Variants in ETV7 observed in about 807,000 individuals in gnomAD.
ETV7 encodes ETS variant transcription factor 7.
ETV7 carries 43 observed loss-of-function variants against 39.1 expected under a neutral mutation model. That is an observed-to-expected ratio of 1.10 (90% confidence interval 0.86 to 1.42). The LOEUF (loss-of-function observed/expected upper bound fraction) is 1.42, where lower values mean the gene tolerates loss of function less well. Ranked by LOEUF, ETV7 falls within the 40% of genes most tolerant of loss-of-function variation. The probability of loss-of-function intolerance (pLI) is 0.00; values close to 1 mark genes in which losing one functional copy is unlikely to be tolerated. For synonymous variants in ETV7, 196 were observed against 176.6 expected, an observed-to-expected ratio of 1.11 and a Z score of -0.87; for missense variants, 432 against 442.3, an observed-to-expected ratio of 0.98 and a Z score of 0.21.
intron 1 of ETV7, among the ~76,000 whole-genome samples, chr6:36,386,164 C>T (rs1322984090): frequency 6.6e-6 from 1 of 152,070 alleles, no homozygotes; most frequent in East Asian, 1.9e-4. Flanking sequence ...ATTATCTCTA[C>T]GAAAAATACA....
chr6:36,370,399 G>T (rs1468171911), intron 5 of ETV7, among the ~76,000 whole-genome samples: 1 of 152,000 alleles, frequency 6.6e-6, no homozygotes, highest in Non-Finnish European at 1.5e-5. Context: ...GCCAGGTGTG[G>T]TGGTGGGCGC....
intron 5 of ETV7, 123 bp from the exon 6 acceptor site, chr6:36,369,194 AATG>A (rs1340228853): frequency 1.0e-5 from 11 of 1,078,440 alleles, no homozygotes; most frequent in Non-Finnish European, 1.2e-5. Flanking sequence ...GGAAGGTGAA[AATG>A]ATGATATCAA....
rs755188639 is a variant in ETV7 at position 36,366,860 on chromosome 6, C to A, written c.908+15G>T. 1.2e-6 allele frequency: 2 copies of A among 1,613,724 alleles called. No individual in the cohort carries two copies. The highest frequency in any genetic ancestry group is 2.2e-5 in the South Asian group (2 of 91,078). ...GTTCTGCTTCCCCTTTCACCACATCCCCTAGGCCACTCACCTGAACAGGAG... is the reference window on the plus strand; with the variant it reads ...GTTCTGCTTCCCCTTTCACCACATCACCTAGGCCACTCACCTGAACAGGAG... On this transcript the variant is annotated intron_variant, in intron 7 of 7. Coordinates refer to ENST00000340181, the MANE Select transcript of ETV7 (RefSeq NM_016135.4).
downstream of ETV7, among the ~76,000 whole-genome samples, chr6:36,362,159 G>A (rs1043456145): frequency 2.0e-5 from 3 of 152,204 alleles, no homozygotes; most frequent in East Asian, 1.9e-4. Context: ...TTAGCCAGGC[G>A]CGGTGGCGGG....
chr6:36,363,236 T>C (rs1772573806), downstream of ETV7, among the ~76,000 whole-genome samples: 1 of 152,150 alleles, frequency 6.6e-6, no homozygotes, highest in Non-Finnish European at 1.5e-5. Context: ...CATCTGGAGT[T>C]TGTTCTTTCT....
In ETV7 at chr6:36,371,530, C is replaced by G. The variant is rs151011956; in HGVS notation, c.464G>C (p.Arg155Pro). 3.1e-5 allele frequency: 49 copies of G among 1,601,572 alleles called. No homozygotes were observed. Among genetic ancestry groups the G allele is most frequent in the Non-Finnish European group, 4.0e-5 (47 of 1,175,226 alleles). Residue 155 changes from arginine to proline, a missense_variant, in exon 5 of 8, where the codon CGA (arginine) becomes CCA (proline). Physicochemically the swap from Arg to Pro is moderately radical, Grantham distance 103. Coordinates refer to ENST00000340181, the MANE Select transcript of ETV7 (RefSeq NM_016135.4). ...TGGTGGCTGCAGCAGGTGGCCCCTT[C>G]GGGTGTCCATCTGAGAGGGGCCAGT... Reference protein sequence around the residue: ...EVTGPSQMDTRRGHLLQPPDP... With the variant: ...EVTGPSQMDTPRGHLLQPPDP...
intron 1 of ETV7, chr6:36,387,015 A>T (rs545790658): frequency 2.0e-4 from 35 of 174,318 alleles, no homozygotes; most frequent in South Asian, 5.5e-4. Flanking sequence ...CCTGGGTTTC[A>T]GCATGGAGGC....
At chr6:36,380,156 G>C (rs766049205) in intron 2 of ETV7, among the ~76,000 whole-genome samples, 1 of 152,146 alleles carries the variant, frequency 6.6e-6, no homozygotes, top group Non-Finnish European at 1.5e-5. Flanking sequence ...GTGGCACAGG[G>C]TCCAACACCT....
At chr6:36,354,698 A>C (rs745359191) in intron 7 of ETV7, 2 of 696,362 alleles carry the variant, frequency 2.9e-6, no homozygotes, top group Non-Finnish European at 5.2e-6. Context: ...CTGCAATAAA[A>C]AAAAAAAGCA....
chr6:36,386,341 A>T (rs745353384), intron 1 of ETV7, among the ~76,000 whole-genome samples: 2 of 152,158 alleles, frequency 1.3e-5, no homozygotes. Flanking sequence ...ACAAACAAAC[A>T]CTATTTTCAA....
chr6:36,385,418 G>T, intron 2 of ETV7, 116 bp downstream of exon 2: 1 of 1,276,748 alleles, frequency 7.8e-7, no homozygotes, highest in Non-Finnish European at 1.1e-6. Flanking sequence ...GGTGCAGTGA[G>T]CTATGATTAC....
At chr6:36,364,931 G>A (rs1026446543), downstream of ETV7, among the ~76,000 whole-genome samples, 6 of 152,224 alleles carry the variant, frequency 3.9e-5, no homozygotes, top group East Asian at 1.9e-4. Context: ...CCCCCCTGCC[G>A]GTGAGTACCA....
chr6:36,362,697 G>A (rs1296949526), downstream of ETV7, among the ~76,000 whole-genome samples: 1 of 152,220 alleles, frequency 6.6e-6, no homozygotes, highest in Non-Finnish European at 1.5e-5. Context: ...ATGGAGAAAA[G>A]GTGGCATGGC....
intron 2 of ETV7, among the ~76,000 whole-genome samples, chr6:36,381,741 G>A (rs1317021204): frequency 6.6e-6 from 1 of 152,300 alleles, no homozygotes; most frequent in Non-Finnish European, 1.5e-5. Context: ...GGCAGGGCCA[G>A]TGCATACAGT....
chr6:36,373,622 G>T, intron 3 of ETV7, 44 bp from the exon 4 acceptor site: 2 of 1,504,028 alleles, frequency 1.3e-6, no homozygotes, highest in Non-Finnish European at 1.8e-6. Context: ...AACAGGCCAC[G>T]TGGGGAGGGC....
exon 8 of ETV7, chr6:36,354,549 TG>T (rs1346079303): frequency 1.6e-6 from 1 of 641,842 alleles, no homozygotes; most frequent in African/African-American, 1.8e-5. Context: ...CAATCTTTGT[TG>T]AGTACTATAG....
rs749784730 is a variant in ETV7, at chr6:36,373,458, G to C, written c.428C>G (p.Pro143Arg). Reference sequence around the variant, plus strand: ...ACCACAGAGAGCTTCCTCACCTTCCGGGGGGACTGGAGAGTGCTGGGTGGG... The same window carrying C: ...ACCACAGAGAGCTTCCTCACCTTCCCGGGGGACTGGAGAGTGCTGGGTGGG... ...KTPTQHSPVPPEEVTGPSQMD... is the reference protein window; with the variant it reads ...KTPTQHSPVPREEVTGPSQMD... Residue 143 changes from proline to arginine, a missense_variant, in exon 4 of 8, where the codon CCG becomes CGG. Pro to Arg is a moderately radical substitution (Grantham distance 103). Transcript: ENST00000340181. 6.4e-7 allele frequency: 1 copy of C among 1,556,256 alleles called. No individual in the cohort carries two copies. The highest frequency in any genetic ancestry group is 8.7e-7 in the Non-Finnish European group (1 of 1,155,728).
chr6:36,378,128 G>A (rs1773466313), intron 2 of ETV7, among the ~76,000 whole-genome samples: 1 of 151,954 alleles, frequency 6.6e-6, no homozygotes. Flanking sequence ...GAGCAAGTAA[G>A]TGTTCATGCA....
At chr6:36,376,908 AC>A (rs1365091894) in intron 2 of ETV7, among the ~76,000 whole-genome samples, 1 of 152,120 alleles carries the variant, frequency 6.6e-6, no homozygotes, top group Non-Finnish European at 1.5e-5. Context: ...TGGCTATTGA[AC>A]TTTTCTGCTC....
Sources: gnomAD v4.1 joint callset for allele counts (sites outside exome capture counted in the v4.1 genomes callset) on GRCh38, gnomAD v4.1.1 for gene constraint, MANE v1.5 for transcripts, NCBI Gene and HGNC (gene_info 2026-07-23, HGNC 2026-07-21) for gene names.